Variants in FANK1 observed in about 807,000 individuals in gnomAD.
The protein encoded by FANK1 is fibronectin type 3 and ankyrin repeat domains protein 1.
FANK1 carries 44 observed loss-of-function variants against 45.3 expected under a neutral mutation model. That is an observed-to-expected ratio of 0.97 (90% CI 0.76 to 1.25). FANK1 has a LOEUF of 1.25. Among genes scored for constraint, FANK1 ranks in the 50% most tolerant of loss-of-function variants. FANK1 has a pLI of 0.00. For synonymous variants in FANK1, 149 were observed against 152.5 expected (o/e 0.98, Z 0.17); for missense variants, 391 against 424.4 (o/e 0.92, Z 0.69).
At chr10:125,904,576 T>TTGC (rs1945324989) in intron 1 of FANK1, among the ~76,000 whole-genome samples, 2 of 152,042 alleles carry the variant, frequency 1.3e-5, no homozygotes, top group African/African-American at 4.8e-5. Context: ...CAGAAACTTT[T>TTGC]AAGAGAACAA....
In FANK1 at chr10:125,996,552, G is replaced by C. The variant is rs748738165; in HGVS notation, c.401G>C (p.Arg134Pro). ...DLLVRILQGG[R>P]VKVDVPNKFG... ...CTCTTTTCTCTGCTTTTCCCAAGCC[G>C]TGTTAAGGTTGATGTTCCCAATAAG... The change falls in exon 5 of 11, where the codon CGT becomes CCT. Residue 134 changes from arginine to proline, a missense_variant and splice_region_variant. Arg to Pro is a moderately radical substitution (Grantham distance 103). Coordinates refer to ENST00000368693, the MANE Select transcript of FANK1 (RefSeq NM_145235.5). 6.2e-7 allele frequency: 1 copy of C among 1,613,928 alleles called. No individual in the cohort carries two copies. Among genetic ancestry groups the C allele is most frequent in the African/African-American group, 1.3e-5 (1 of 74,912 alleles).
intron 1 of FANK1, among the ~76,000 whole-genome samples, chr10:125,946,347 T>C (rs963316761): frequency 9.7e-4 from 143 of 148,150 alleles, no homozygotes; most frequent in African/African-American, 2.7e-3. Context: ...GGCAAAGAAG[T>C]TGAAAACTTT....
At chr10:125,911,691 A>G (rs61870873) in intron 1 of FANK1, among the ~76,000 whole-genome samples, 1 of 152,322 alleles carries the variant, frequency 6.6e-6, no homozygotes, top group African/African-American at 2.4e-5. Context: ...TCCTCAACTC[A>G]ATGTGTTACC....
At chr10:125,973,539 C>T in intron 1 of FANK1, 1 of 832,358 alleles carries the variant, frequency 1.2e-6, no homozygotes, top group Non-Finnish European at 1.4e-6. Context: ...ATGTATCCCT[C>T]AGTATCTAGA....
At chr10:125,963,981 G>A (rs1950071478) in intron 1 of FANK1, among the ~76,000 whole-genome samples, 1 of 152,142 alleles carries the variant, frequency 6.6e-6, no homozygotes, top group African/African-American at 2.4e-5. Context: ...AAAAAAAGGA[G>A]AGAAATATAT....
intron 1 of FANK1, among the ~76,000 whole-genome samples, chr10:125,949,446 A>T (rs1949047865): frequency 1.3e-5 from 2 of 152,220 alleles, no homozygotes; most frequent in African/African-American, 4.8e-5. Flanking sequence ...TCAATGTACA[A>T]AAATCACAAG....
chr10:125,968,783 A>G (rs183060209), intron 1 of FANK1, among the ~76,000 whole-genome samples: 5 of 152,338 alleles, frequency 3.3e-5, no homozygotes, highest in Non-Finnish European at 7.3e-5. Flanking sequence ...AGTGGTTTAC[A>G]TAAATTTTAT....
chr10:125,994,513 A>T, intron 3 of FANK1: 1 of 985,346 alleles, frequency 1.0e-6, no homozygotes, highest in Non-Finnish European at 1.2e-6. Context: ...GTATCCACTG[A>T]CGATGGTAGC....
At chr10:125,940,144 G>C (rs1337467118) in intron 1 of FANK1, among the ~76,000 whole-genome samples, 1 of 152,116 alleles carries the variant, frequency 6.6e-6, no homozygotes, top group Non-Finnish European at 1.5e-5. Context: ...AAGAGACTGA[G>C]AAAATAAATA....
At chr10:125,979,152 C>T (rs1471650253) in intron 1 of FANK1, among the ~76,000 whole-genome samples, 4 of 151,962 alleles carry the variant, frequency 2.6e-5, no homozygotes, top group Non-Finnish European at 2.9e-5. Context: ...CCCCTGGCTC[C>T]GTGCTGACCC....
At chr10:125,942,889 C>T (rs565298788) in intron 1 of FANK1, among the ~76,000 whole-genome samples, 1 of 150,248 alleles carries the variant, frequency 6.7e-6, no homozygotes, top group South Asian at 2.1e-4. Flanking sequence ...TCTCAGCTCA[C>T]TGCAACATCT....
Position 125,996,535 on chromosome 10 carries a change from T to A in FANK1, c.399-15T>A. Reference sequence around the variant, plus strand: ...GTACTGAGCATGTTTATCTCTTTTCTCTGCTTTTCCCAAGCCGTGTTAAGG... The same window carrying A: ...GTACTGAGCATGTTTATCTCTTTTCACTGCTTTTCCCAAGCCGTGTTAAGG... On this transcript the variant is annotated splice_polypyrimidine_tract_variant and intron_variant, in intron 4 of 10. Transcript: ENST00000368693. 1 of 1,613,936 alleles carries A rather than the reference T, an allele frequency of 6.2e-7. No individual in the cohort carries two copies. Among genetic ancestry groups the A allele is most frequent in the Non-Finnish European group, 8.5e-7 (1 of 1,179,888 alleles).
At chr10:125,996,517 G>A (rs183114453) in intron 4 of FANK1, 33 bp from the exon 5 acceptor site, 215 of 1,609,060 alleles carry the variant, frequency 1.3e-4, no homozygotes, top group Non-Finnish European at 1.7e-4. Flanking sequence ...GCTGTACTGA[G>A]CATGTTTATC....
At chr10:125,996,423 C>T (rs1404517687) in intron 4 of FANK1, 127 bp from the exon 5 acceptor site, 1 of 738,876 alleles carries the variant, frequency 1.4e-6, no homozygotes, top group Non-Finnish European at 2.3e-6. Flanking sequence ...ATTTAATGGC[C>T]ACAAAGAAAT....
At chr10:126,006,378 A>G (rs554832718) in intron 7 of FANK1, among the ~76,000 whole-genome samples, 1 of 152,276 alleles carries the variant, frequency 6.6e-6, no homozygotes, top group East Asian at 1.9e-4. Context: ...TATTTTCCTT[A>G]TGTTTTAGAG....
At chr10:125,972,628 T>C (rs908261760) in intron 1 of FANK1, 2 of 152,318 alleles carry the variant, frequency 1.3e-5, no homozygotes, top group Non-Finnish European at 2.9e-5. Flanking sequence ...CTGGCAATAA[T>C]AGCTTTTTGC....
At chr10:125,905,097 C>T (rs1945378631) in intron 1 of FANK1, among the ~76,000 whole-genome samples, 1 of 140,844 alleles carries the variant, frequency 7.1e-6, no homozygotes, top group African/African-American at 2.6e-5. Context: ...CGCCACTGCA[C>T]TCCAGCCCAG....
chr10:125,976,445 C>G (rs1056075579), intron 1 of FANK1, among the ~76,000 whole-genome samples: 4 of 152,206 alleles, frequency 2.6e-5, no homozygotes, highest in Non-Finnish European at 4.4e-5. Flanking sequence ...TTCAGGGATG[C>G]CAGTGATTTG....
intron 1 of FANK1, among the ~76,000 whole-genome samples, chr10:125,969,822 A>G (rs1950384313): frequency 6.6e-6 from 1 of 152,124 alleles, no homozygotes; most frequent in African/African-American, 2.4e-5. Context: ...GGTATTGGTG[A>G]TGACTCTTAA....
Sources: gnomAD v4.1 joint callset for allele counts (sites outside exome capture counted in the v4.1 genomes callset) on GRCh38, gnomAD v4.1.1 for gene constraint, MANE v1.5 for transcripts, NCBI Gene and HGNC (gene_info 2026-07-23, HGNC 2026-07-21) for gene names.